The following GRAMD1A variants were observed in gnomAD, a reference collection of about 807,000 sequenced individuals.
GRAMD1A encodes GRAM domain containing 1A, also known as protein Aster-A.
GRAMD1A carries 50 observed loss-of-function variants against 92.0 expected under a neutral mutation model. The observed-to-expected ratio is 0.54, with a 90% CI of 0.43 to 0.69. The LOEUF (loss-of-function observed/expected upper bound fraction) is 0.69, where lower values mean the gene tolerates loss of function less well. Ranked by LOEUF, GRAMD1A falls within the 30% of genes least tolerant of loss-of-function variation. The pLI is 0.00. For missense variants in GRAMD1A, 819 were observed against 978.9 expected (o/e 0.84, Z 2.18); for synonymous variants, 405 against 403.6 (o/e 1.00, Z -0.04).
Position 35,019,291 on chromosome 19 carries a change from C to T in GRAMD1A, c.1314C>T (p.Ala438=). Residue 438 remains alanine (A), a synonymous_variant, in exon 12 of 20, where the codon GCC becomes GCT. Transcript: ENST00000317991. ...GCAACCCACTGGGCCCCAAGAGCGC[C>T]TCCGTGGTGGAGACACAGGTGGGCC... ...PISNPLGPKS[A]SVVETQTLFR... 6.2e-7 allele frequency: 1 copy of T among 1,613,294 alleles called. No homozygotes were observed. The highest frequency in any genetic ancestry group is 8.5e-7 in the Non-Finnish European group (1 of 1,179,556).
upstream of GRAMD1A, among the ~76,000 whole-genome samples, chr19:34,995,556 A>G (rs2013990234): frequency 7.7e-6 from 1 of 129,100 alleles, no homozygotes; most frequent in Admixed American, 8.4e-5. Flanking sequence ...GATCTCTCTG[A>G]CTCTCAGATC....
chr19:35,025,061 T>C (rs1441766337), intron 19 of GRAMD1A: 1 of 152,162 alleles, frequency 6.6e-6, no homozygotes, highest in Non-Finnish European at 1.5e-5. Flanking sequence ...AGTCCTGGGA[T>C]TGCAGGTGTG....
intron 11 of GRAMD1A, among the ~76,000 whole-genome samples, chr19:35,016,452 C>T (rs996352016): frequency 3.3e-5 from 5 of 149,502 alleles, no homozygotes; most frequent in African/African-American, 9.9e-5. Flanking sequence ...CAAAAATCAG[C>T]TAGGTGTGGT....
chr19:35,017,626 T>C (rs1197735957), intron 11 of GRAMD1A, among the ~76,000 whole-genome samples: 1 of 152,034 alleles, frequency 6.6e-6, no homozygotes, highest in Admixed American at 6.6e-5. Flanking sequence ...GGGACTTCTC[T>C]CAATATTGGC....
chr19:34,999,707 C>T (rs1429968273), upstream of GRAMD1A, among the ~76,000 whole-genome samples: 2 of 152,232 alleles, frequency 1.3e-5, no homozygotes, highest in Non-Finnish European at 2.9e-5. Context: ...ACTCCCAGCA[C>T]TGGGGTGATG....
intron 17 of GRAMD1A, 73 bp from the exon 18 acceptor site, chr19:35,023,163 C>T: frequency 9.4e-7 from 1 of 1,066,120 alleles, no homozygotes; most frequent in East Asian, 2.4e-5. Context: ...GGTGTCCCTA[C>T]AAGATGTAGT....
At chr19:34,999,718 A>C (rs2014208377), upstream of GRAMD1A, among the ~76,000 whole-genome samples, 1 of 152,194 alleles carries the variant, frequency 6.6e-6, no homozygotes, top group South Asian at 2.1e-4. Context: ...TGGGGTGATG[A>C]GCGCAAGGTC....
rs970879867 is a variant in GRAMD1A at position 35,023,832 on chromosome 19, G to A, written c.2082+285G>A. The A allele has an allele frequency of 1.8e-4, 59 of 327,102 alleles. No individual in the cohort carries two copies. In the Middle Eastern group the frequency reaches 3.4e-3, roughly 19 times the overall value. The allele number at this position is 327,102 out of a possible 1,614,324, so 20.3% of individuals were successfully genotyped here. On this transcript the variant is annotated intron_variant, in intron 19 of 19. Transcript: ENST00000317991. ...CAATGGCAGTAAGAGTCAGTCTCTC[G>A]TGCCCACTCTGCCCTGTGCCCATCT...
intron 17 of GRAMD1A, 117 bp downstream of exon 17, chr19:35,023,028 CAA>C: frequency 1.1e-6 from 1 of 906,490 alleles, no homozygotes; most frequent in African/African-American, 1.6e-5. Context: ...GCATGGCAGT[CAA>C]GGGTATGGGC....
chr19:35,009,131 C>T lies in GRAMD1A; in HGVS notation c.21C>T (p.His7=), dbSNP rs1399435388. 1 of 1,612,996 alleles carries T rather than the reference C, an allele frequency of 6.2e-7. No homozygotes were observed. Among genetic ancestry groups the T allele is most frequent in the African/African-American group, 1.3e-5 (1 of 74,904 alleles). The change falls in exon 2 of 20, where the codon CAC becomes CAT. Residue 7 remains histidine, a synonymous_variant. Coordinates refer to ENST00000317991, the MANE Select transcript of GRAMD1A (RefSeq NM_020895.5). ...TTCCTGCCCCCAGCACCACACCCCA[C>T]TCTGGCCGGAGCACGCCAAGCAGCT... MFDTTP[H]SGRSTPSSSP...
intron 19 of GRAMD1A, 58 bp from the exon 20 acceptor site, chr19:35,025,991 G>A (rs921226033): frequency 9.2e-6 from 8 of 871,038 alleles, no homozygotes; most frequent in African/African-American, 3.3e-5. Flanking sequence ...GGGGGTGGGC[G>A]ACATCACCCC....
At chr19:35,004,242 G>C (rs958193024) in intron 1 of GRAMD1A, among the ~76,000 whole-genome samples, 1 of 151,960 alleles carries the variant, frequency 6.6e-6, no homozygotes, top group Non-Finnish European at 1.5e-5. Context: ...CCATGATTTT[G>C]CCACTGTACT....
intron 1 of GRAMD1A, among the ~76,000 whole-genome samples, chr19:35,003,162 G>GTA (rs2014532966): frequency 1.3e-5 from 2 of 151,442 alleles, no homozygotes; most frequent in South Asian, 4.2e-4. Context: ...GTGTGTGTGT[G>GTA]TGTGTGTGTG....
intron 13 of GRAMD1A, among the ~76,000 whole-genome samples, chr19:35,020,637 C>T (rs1011217861): frequency 5.0e-5 from 7 of 141,084 alleles, no homozygotes; most frequent in South Asian, 2.2e-4. Flanking sequence ...TCAGCCTGGG[C>T]GACAGAGCAA....
At chr19:34,997,885 C>G (rs1005556336), upstream of GRAMD1A, among the ~76,000 whole-genome samples, 3 of 151,866 alleles carry the variant, frequency 2.0e-5, no homozygotes, top group Non-Finnish European at 4.4e-5. Context: ...CTGACCAACA[C>G]AGTGAAACCC....
Position 35,013,234 on chromosome 19 carries a change from A to G in GRAMD1A, c.607-22A>G. 1 of 1,375,256 alleles carries G rather than the reference A, an allele frequency of 7.3e-7. No homozygotes were observed. The highest frequency in any genetic ancestry group is 1.0e-6 in the Non-Finnish European group (1 of 994,360). 85.2% of individuals were successfully genotyped at this position (1,375,256 alleles called of 1,614,324 possible). A position where few individuals can be genotyped will look rare whatever the true frequency, so the allele number is the denominator to read the frequency against. ...TCTGGCTGGGGTGAGATGGAGGCCAACCCCAGGTCCCGCCTCCCCAGACGC... is the reference window on the plus strand; with the variant it reads ...TCTGGCTGGGGTGAGATGGAGGCCAGCCCCAGGTCCCGCCTCCCCAGACGC... On this transcript the variant is annotated intron_variant, in intron 7 of 19. Coordinates refer to ENST00000317991, the MANE Select transcript of GRAMD1A (RefSeq NM_020895.5). This position sits in a 1 kb window ranked among gnomAD's most constrained non-coding sequence, Gnocchi z 4.9.
At position 35,021,672 on chromosome 19, in the gene GRAMD1A, C is replaced by T. The variant is rs187393592; in HGVS notation, c.1580-19C>T. 3.1e-6 allele frequency: 5 copies of T among 1,613,972 alleles called. No individual in the cohort carries two copies. In the East Asian group the frequency reaches 8.9e-5, roughly 29 times the overall value. On this transcript the variant is annotated intron_variant, in intron 14 of 19. Transcript: ENST00000317991. The surrounding 1 kb of genome is among the most constrained non-coding windows in gnomAD (Gnocchi z 5.3). Reference sequence around the variant, plus strand: ...CCTGGCCAGGTATGGACATCCAGAGCCCCCTCTCTTTTACGCAGAGCGAGA... The same window carrying T: ...CCTGGCCAGGTATGGACATCCAGAGTCCCCTCTCTTTTACGCAGAGCGAGA...
intron 1 of GRAMD1A, among the ~76,000 whole-genome samples, chr19:35,001,656 A>G (rs1236895027): frequency 2.0e-5 from 3 of 151,396 alleles, no homozygotes; most frequent in Middle Eastern, 3.2e-3. Flanking sequence ...CGCCCAGGCT[A>G]GAGTGCAGTG....
chr19:35,013,804 CA>C lies in GRAMD1A; in HGVS notation c.870+114del, dbSNP rs1292711554. ...ATTTGGAGGGGAATGGATAGGGGGA[CA>C]GGGGAGGCCTGGATGGAGGAACAGG... On this transcript the variant is annotated intron_variant, in intron 9 of 19. Transcript: ENST00000317991. This position sits in a 1 kb window ranked among gnomAD's most constrained non-coding sequence, Gnocchi z 4.9. The C allele has an allele frequency of 4.7e-6, 5 of 1,063,128 alleles. No individual in the cohort carries two copies. Among genetic ancestry groups the C allele is most frequent in the African/African-American group, 1.6e-5 (1 of 63,164 alleles). 65.9% of individuals were successfully genotyped at this position (1,063,128 alleles called of 1,614,324 possible). A position where few individuals can be genotyped will look rare whatever the true frequency, so the allele number is the denominator to read the frequency against.
Sources: allele counts gnomAD v4.1 joint callset (sites outside exome capture counted in the v4.1 genomes callset), GRCh38; gene constraint gnomAD v4.1.1; non-coding constraint Gnocchi (gnomAD v3.1); transcripts MANE v1.5; gene names NCBI Gene and HGNC (gene_info 2026-07-23, HGNC 2026-07-21).